The following BCR variants were observed in gnomAD, a reference collection of about 807,000 sequenced individuals.
BCR encodes BCR activator of RhoGEF and GTPase, also known as breakpoint cluster region protein.
A neutral mutation model predicts 138.6 loss-of-function variants in BCR; 58 were observed. The ratio of observed to expected loss-of-function variants is 0.42; its 90% CI spans 0.34 to 0.52. The LOEUF is 0.52. BCR is among the 20% of genes least tolerant of loss of function. BCR has a pLI of 0.06. For missense variants in BCR, 1,599 were observed against 1,727.2 expected, an observed-to-expected ratio of 0.93 and a Z score of 1.32; for synonymous variants, 786 against 730.1, an observed-to-expected ratio of 1.08 and a Z score of -1.23.
At chr22:23,266,474 C>T (rs920243435) in intron 4 of BCR, among the ~76,000 whole-genome samples, 1 of 152,166 alleles carries the variant, frequency 6.6e-6, no homozygotes, top group Non-Finnish European at 1.5e-5. Context: ...CTTGCAACCT[C>T]TGCCTCCCAG....
At chr22:23,304,427 GATA>G (rs1206297930) in intron 16 of BCR, among the ~76,000 whole-genome samples, 4 of 152,032 alleles carry the variant, frequency 2.6e-5, no homozygotes, top group Admixed American at 6.6e-5. Flanking sequence ...TCCTTTTTAT[GATA>G]ATAATTTTCC....
chr22:23,247,105 G>T (rs2073165981), intron 1 of BCR, among the ~76,000 whole-genome samples: 1 of 152,130 alleles, frequency 6.6e-6, no homozygotes. Context: ...CAAAAGACGT[G>T]TGCTGCTGTT....
rs57803042 is a variant in BCR, at chr22:23,231,506, CATAAAATAAAATAAA to C, written c.1280-22262_1280-22248del. ...TAGCCAACAGAGCAAGACCCCGTCTCATAAAATAAAATAAAATAAAATAAAATAAAATAAAATAAA... is the reference window on the plus strand; with the variant it reads ...TAGCCAACAGAGCAAGACCCCGTCTCATAAAATAAAATAAAATAAAATAAA... On this transcript the variant is annotated intron_variant, in intron 1 of 22. Transcript: ENST00000305877. 3.5e-4 allele frequency among the ~76,000 whole-genome samples: 45 copies of C among 128,866 alleles called. 1 individual carries two copies. Among genetic ancestry groups the C allele is most frequent in the South Asian group, 2.8e-3 (10 of 3,628 alleles). The allele number at this position is 128,866 out of a possible 152,430, so 84.5% of individuals were successfully genotyped here. A position where few individuals can be genotyped will look rare whatever the true frequency, so the allele number is the denominator to read the frequency against.
At chr22:23,283,741 G>C in intron 8 of BCR, 1 of 510,972 alleles carries the variant, frequency 2.0e-6, no homozygotes, top group African/African-American at 2.0e-5. Context: ...ACACAGGAGG[G>C]ATTGGGAAAT....
rs371687178 is a variant in BCR at position 23,266,641 on chromosome 22, C to T, written c.1753-1767C>T. Among the ~76,000 whole-genome samples the T allele has an allele frequency of 4.3e-3, 653 of 152,364 alleles. 2 individuals carry two copies. The highest frequency in any genetic ancestry group is 6.8e-3 in the Middle Eastern group (2 of 294). On this transcript the variant is annotated intron_variant, in intron 4 of 22. Transcript: ENST00000305877. ...CTGACCTCAGGTGATCTGCCTGCCTCGGCCTCCCAAAGTGCTAGGATTACA... is the reference window on the plus strand; with the variant it reads ...CTGACCTCAGGTGATCTGCCTGCCTTGGCCTCCCAAAGTGCTAGGATTACA...
intron 4 of BCR, among the ~76,000 whole-genome samples, chr22:23,265,284 G>A (rs139316576): frequency 6.6e-6 from 1 of 152,344 alleles, no homozygotes; most frequent in East Asian, 1.9e-4. Flanking sequence ...TCCCCATAAC[G>A]ACGAGCTGAG....
At chr22:23,262,603 G>A (rs929084332) in intron 4 of BCR, among the ~76,000 whole-genome samples, 4 of 152,206 alleles carry the variant, frequency 2.6e-5, no homozygotes, top group Non-Finnish European at 5.9e-5. Flanking sequence ...ACCTAGTGGA[G>A]GGTGGTGGCT....
At chr22:23,205,820 AAGGCCTAGGTC>A (rs1369375268) in intron 1 of BCR, among the ~76,000 whole-genome samples, 2 of 152,168 alleles carry the variant, frequency 1.3e-5, no homozygotes, top group African/African-American at 4.8e-5. Context: ...GAGCATTCTT[AAGGCCTAGGTC>A]ACATGAAAAC....
intron 1 of BCR, among the ~76,000 whole-genome samples, chr22:23,185,625 G>C (rs1449791928): frequency 6.6e-6 from 1 of 151,378 alleles, no homozygotes; most frequent in Non-Finnish European, 1.5e-5. Context: ...GAGATCGCTG[G>C]GCTGCACTCC....
intron 1 of BCR, among the ~76,000 whole-genome samples, chr22:23,203,009 C>G (rs1355132698): frequency 6.6e-6 from 1 of 152,130 alleles, no homozygotes. Context: ...AGATGCACAT[C>G]ACTACACTCA....
intron 2 of BCR, among the ~76,000 whole-genome samples, chr22:23,260,328 G>A (rs529003676): frequency 1.3e-5 from 2 of 152,196 alleles, no homozygotes; most frequent in African/African-American, 2.4e-5. Context: ...GTGATGTCAG[G>A]GTCTAAAAAG....
chr22:23,272,353 T>A (rs1250637497), intron 6 of BCR, among the ~76,000 whole-genome samples: 1 of 152,218 alleles, frequency 6.6e-6, no homozygotes, highest in Non-Finnish European at 1.5e-5. Flanking sequence ...TTTCCCTATC[T>A]GCAAAATGAA....
chr22:23,274,504 G>A (rs2073548978), intron 8 of BCR, among the ~76,000 whole-genome samples: 1 of 152,232 alleles, frequency 6.6e-6, no homozygotes, highest in South Asian at 2.1e-4. Flanking sequence ...GTCAGAAGCA[G>A]CACTGAGGCG....
chr22:23,285,317 G>A, intron 10 of BCR, 116 bp downstream of exon 10: 1 of 1,174,722 alleles, frequency 8.5e-7, no homozygotes, highest in South Asian at 1.6e-5. Flanking sequence ...CTGGTCTCTG[G>A]GACCCCTGTA....
At chr22:23,230,795 C>G (rs1354085256) in intron 1 of BCR, among the ~76,000 whole-genome samples, 1 of 152,208 alleles carries the variant, frequency 6.6e-6, no homozygotes. Flanking sequence ...CATTGCCTGT[C>G]CTGCATGCCA....
At chr22:23,237,556 G>T (rs2073040816) in intron 1 of BCR, among the ~76,000 whole-genome samples, 1 of 152,244 alleles carries the variant, frequency 6.6e-6, no homozygotes, top group African/African-American at 2.4e-5. Context: ...TGGTTTTCTG[G>T]CTCGTTCCTC....
chr22:23,274,592 G>A (rs2073550294), intron 8 of BCR, among the ~76,000 whole-genome samples: 1 of 152,212 alleles, frequency 6.6e-6, no homozygotes, highest in Non-Finnish European at 1.5e-5. Flanking sequence ...CAGGCTGGGC[G>A]TGAACCTGAC....
intron 1 of BCR, among the ~76,000 whole-genome samples, chr22:23,197,904 C>G (rs1296000765): frequency 6.6e-6 from 1 of 151,828 alleles, no homozygotes; most frequent in Non-Finnish European, 1.5e-5. Flanking sequence ...GCTGTATGAG[C>G]CTGGGGATGG....
chr22:23,245,421 T>C lies in BCR; in HGVS notation c.1280-8378T>C, dbSNP rs528363190. ...GGGTGCTGGCCTGGTGATGTCATTG[T>C]TGGGGTACGGCATGAGGGCTGGGAG... is the stretch of plus-strand genomic sequence containing the variant. On this transcript the variant is annotated intron_variant, in intron 1 of 22. Transcript: ENST00000305877. Among the ~76,000 whole-genome samples the C allele has an allele frequency of 3.5e-4, 54 of 152,226 alleles. 1 individual carries two copies. Among genetic ancestry groups the C allele is most frequent in the Non-Finnish European group, 4.7e-4 (32 of 67,998 alleles).
Sources: gnomAD v4.1 joint callset for allele counts (sites outside exome capture counted in the v4.1 genomes callset) on GRCh38, gnomAD v4.1.1 for gene constraint, MANE v1.5 for transcripts, NCBI Gene and HGNC (gene_info 2026-07-23, HGNC 2026-07-21) for gene names.